The following TNRC6A variants were observed in gnomAD, a reference collection of about 807,000 sequenced individuals.
The protein encoded by TNRC6A is trinucleotide repeat containing adaptor 6A, also known as trinucleotide repeat-containing gene 6A protein.
In TNRC6A, 44 loss-of-function variants were observed where a neutral mutation model predicts 221.2. The observed-to-expected ratio is 0.20, with a 90% CI of 0.16 to 0.26. TNRC6A has a LOEUF of 0.26. TNRC6A is among the 10% of genes least tolerant of loss of function. TNRC6A has a pLI of 1.00. For missense variants in TNRC6A, 2,199 were observed against 2,404.4 expected, an observed-to-expected ratio of 0.91 and a Z score of 1.79; for synonymous variants, 847 against 838.5, an observed-to-expected ratio of 1.01 and a Z score of -0.18.
chr16:24,647,957 G>C (rs1339210999), intron 2 of TNRC6A, among the ~76,000 whole-genome samples: 1 of 152,126 alleles, frequency 6.6e-6, no homozygotes, highest in African/African-American at 2.4e-5. Context: ...ATTCATATGT[G>C]TAGAACCATA....
intron 2 of TNRC6A, among the ~76,000 whole-genome samples, chr16:24,684,846 C>A (rs2055596735): frequency 1.3e-5 from 2 of 152,136 alleles, no homozygotes; most frequent in Admixed American, 1.3e-4. Flanking sequence ...GTTCAAGGCC[C>A]ACACAAAAGC....
At chr16:24,785,347 C>G (rs1023653693) in intron 5 of TNRC6A, among the ~76,000 whole-genome samples, 4 of 152,218 alleles carry the variant, frequency 2.6e-5, no homozygotes, top group African/African-American at 7.2e-5. Context: ...AGCATTGTTA[C>G]ACCTTCATAT....
intron 4 of TNRC6A, among the ~76,000 whole-genome samples, chr16:24,761,634 CT>C (rs1383961792): frequency 1.3e-5 from 2 of 151,856 alleles, no homozygotes; most frequent in African/African-American, 2.4e-5. Flanking sequence ...CGGCCTTGAA[CT>C]TTTGGGCTCA....
intron 12 of TNRC6A, 150 bp from the exon 13 acceptor site, chr16:24,804,555 G>T: frequency 7.8e-7 from 1 of 1,279,368 alleles, no homozygotes; most frequent in Non-Finnish European, 1.1e-6. Flanking sequence ...GTGTGCTCTA[G>T]AATTAACACT....
chr16:24,650,613 CA>C (rs1902587566), intron 2 of TNRC6A, among the ~76,000 whole-genome samples: 1 of 149,844 alleles, frequency 6.7e-6, no homozygotes, highest in Non-Finnish European at 1.5e-5. Flanking sequence ...TGCAGTGAGC[CA>C]AGATTATGCC....
intron 2 of TNRC6A, among the ~76,000 whole-genome samples, chr16:24,689,955 T>C (rs942127208): frequency 7.0e-6 from 1 of 143,068 alleles, no homozygotes; most frequent in African/African-American, 2.6e-5. Flanking sequence ...CTCATTATGT[T>C]GCCTAGGCTG....
chr16:24,639,733 T>C (rs1166613460), intron 1 of TNRC6A, among the ~76,000 whole-genome samples: 1 of 151,524 alleles, frequency 6.6e-6, no homozygotes, highest in Admixed American at 6.6e-5. Flanking sequence ...CTCCATCTCC[T>C]TGGACTCACT....
chr16:24,761,900 T>C (rs866362027), intron 4 of TNRC6A, among the ~76,000 whole-genome samples: 1 of 152,140 alleles, frequency 6.6e-6, no homozygotes, highest in Non-Finnish European at 1.5e-5. Flanking sequence ...CACTGTTGAT[T>C]TTTGACAGCT....
Position 24,822,840 on chromosome 16 carries a change from G to A in TNRC6A, c.5374-34G>A, listed in dbSNP as rs201263062. The A allele has an allele frequency of 1.9e-5, 30 of 1,611,664 alleles. 1 individual carries two copies. The highest frequency in any genetic ancestry group is 2.2e-4 in the Middle Eastern group (1 of 4,588). ...AGCCTCCTGGAGGGCCCGCGGTGAC[G>A]CCTCTCACTGGCAGTTTCCACACTG... On this transcript the variant is annotated intron_variant, in intron 23 of 24. Transcript: ENST00000395799.
intron 2 of TNRC6A, among the ~76,000 whole-genome samples, chr16:24,740,745 C>T (rs1424920487): frequency 6.6e-6 from 1 of 152,172 alleles, no homozygotes; most frequent in Admixed American, 6.5e-5. Flanking sequence ...CCACCATCCA[C>T]CTCTGCAACT....
At chr16:24,643,108 A>ATT (rs1567319457) in intron 2 of TNRC6A, among the ~76,000 whole-genome samples, 95 of 50,204 alleles carry the variant, frequency 1.9e-3, no homozygotes, top group African/African-American at 5.4e-3. Flanking sequence ...ATATATATAT[A>ATT]AAATATATAT....
chr16:24,718,588 G>C (rs1351966085), intron 2 of TNRC6A, among the ~76,000 whole-genome samples: 3 of 152,206 alleles, frequency 2.0e-5, no homozygotes, highest in Non-Finnish European at 2.9e-5. Context: ...AGGTTAGGTA[G>C]CAAGAGTTCT....
rs184890576 is a variant in TNRC6A at position 24,675,532 on chromosome 16, T to A, written n.402+34523T>A. Reference sequence around the variant, plus strand: ...CCATCTCTACTATAAATACAAAAAATTAGCTGGGCATGGTGGTGCACAACT... The same window carrying A: ...CCATCTCTACTATAAATACAAAAAAATAGCTGGGCATGGTGGTGCACAACT... On this transcript the variant is annotated intron_variant and non_coding_transcript_variant, in intron 2 of 2. Transcript: ENST00000566108. Among the ~76,000 whole-genome samples the A allele has an allele frequency of 2.4e-3, 368 of 151,160 alleles. 2 individuals carry two copies. The highest frequency in any genetic ancestry group is 8.5e-3 in the African/African-American group (350 of 41,250).
intron 2 of TNRC6A, among the ~76,000 whole-genome samples, chr16:24,744,340 T>C (rs1596593760): frequency 1.3e-5 from 2 of 152,218 alleles, no homozygotes; most frequent in South Asian, 2.1e-4. Context: ...ATAACACTAT[T>C]GTTGGGAGAT....
In TNRC6A at chr16:24,777,045, TCAGCAGCCA is replaced by T. The variant is rs1567456919; in HGVS notation, c.284_292del (p.Pro95_Gln97del). ...ATGCCAAGCGAGCTACAGCCAACAA[TCAGCAGCCA>T]CAGCAGCAGCAGCAACAGCAGCAGC... On this transcript the variant is annotated inframe_deletion, in exon 5 of 25. Coordinates refer to ENST00000395799, the MANE Select transcript of TNRC6A (RefSeq NM_014494.4). 3 of 1,613,256 alleles carry T rather than the reference TCAGCAGCCA, an allele frequency of 1.9e-6. No individual in the cohort carries two copies. Among genetic ancestry groups the T allele is most frequent in the Admixed American group, 1.7e-5 (1 of 59,944 alleles).
chr16:24,792,490 ATTTT>A (rs879630329), intron 6 of TNRC6A, among the ~76,000 whole-genome samples: 1 of 144,524 alleles, frequency 6.9e-6, no homozygotes, highest in East Asian at 2.0e-4. Flanking sequence ...TTGGCACTGA[ATTTT>A]TTTTTTTTAG....
intron 2 of TNRC6A, among the ~76,000 whole-genome samples, chr16:24,687,847 GA>G (rs1318987185): frequency 4.1e-5 from 6 of 146,250 alleles, no homozygotes; most frequent in South Asian, 2.3e-4. Flanking sequence ...GGAAGAGGAA[GA>G]AGAAGAAGAA....
At chr16:24,744,696 C>T (rs1243657407) in intron 2 of TNRC6A, among the ~76,000 whole-genome samples, 1 of 152,166 alleles carries the variant, frequency 6.6e-6, no homozygotes, top group Non-Finnish European at 1.5e-5. Flanking sequence ...CTCCTTCCTT[C>T]CTAAGGGGAA....
At chr16:24,631,202 AT>A (rs1901317183) in intron 1 of TNRC6A, among the ~76,000 whole-genome samples, 3 of 151,974 alleles carry the variant, frequency 2.0e-5, no homozygotes, top group African/African-American at 4.8e-5. Flanking sequence ...AGCATTTAGT[AT>A]TTAAACATAT....
Sources: allele counts gnomAD v4.1 joint callset (sites outside exome capture counted in the v4.1 genomes callset), GRCh38; gene constraint gnomAD v4.1.1; transcripts MANE v1.5; gene names NCBI Gene and HGNC (gene_info 2026-07-23, HGNC 2026-07-21).